ATXN2: variants seen among roughly 807,000 people sequenced by gnomAD.
ATXN2 encodes the protein ataxin 2, also known as ataxin-2.
ATXN2 carries 37 observed loss-of-function variants against 138.6 expected under a neutral mutation model. The observed-to-expected ratio is 0.27, with a 90% confidence interval of 0.21 to 0.35. The LOEUF (loss-of-function observed/expected upper bound fraction) is 0.35. Ranked by LOEUF, ATXN2 falls within the 10% of genes least tolerant of loss-of-function variation. ATXN2 has a pLI of 1.00. For synonymous variants in ATXN2, 549 were observed against 543.7 expected (o/e 1.01, Z -0.13); for missense variants, 1,216 against 1,480.3 (o/e 0.82, Z 2.93).
intron 14 of ATXN2, among the ~76,000 whole-genome samples, chr12:111,503,551 A>AT (rs923799742): frequency 1.3e-4 from 19 of 151,092 alleles, no homozygotes; most frequent in African/African-American, 2.2e-4. Flanking sequence ...TCACTCTTTT[A>AT]TTTTTTTTTA....
intron 10 of ATXN2, 55 bp from the exon 11 acceptor site, chr12:111,513,594 T>C: frequency 2.6e-6 from 4 of 1,519,208 alleles, no homozygotes; most frequent in Non-Finnish European, 3.6e-6. Flanking sequence ...TCAGTACTAC[T>C]TTTCTGCTAA....
intron 18 of ATXN2, among the ~76,000 whole-genome samples, chr12:111,477,934 C>A (rs910911862): frequency 6.6e-6 from 1 of 151,778 alleles, no homozygotes; most frequent in African/African-American, 2.4e-5. Context: ...CATAGGAATG[C>A]GCTTCTGTGC....
At chr12:111,542,522 C>T (rs1047317197) in intron 5 of ATXN2, among the ~76,000 whole-genome samples, 1 of 152,154 alleles carries the variant, frequency 6.6e-6, no homozygotes, top group Non-Finnish European at 1.5e-5. Flanking sequence ...GCTGGAGTGC[C>T]GTGGCATAAC....
At chr12:111,553,984 CA>C (rs1752215434) in intron 3 of ATXN2, among the ~76,000 whole-genome samples, 173 bp downstream of exon 3, 1 of 152,084 alleles carries the variant, frequency 6.6e-6, no homozygotes, top group African/African-American at 2.4e-5. Flanking sequence ...TGTACTTTTA[CA>C]ATGAATTATA....
At chr12:111,533,206 G>A (rs183340400) in intron 5 of ATXN2, among the ~76,000 whole-genome samples, 15 of 152,316 alleles carry the variant, frequency 9.8e-5, no homozygotes, top group Admixed American at 9.2e-4. Context: ...GTTTCCTAAA[G>A]AATAGTGTTC....
At chr12:111,496,501 A>G (rs1010845708) in intron 14 of ATXN2, among the ~76,000 whole-genome samples, 1 of 152,056 alleles carries the variant, frequency 6.6e-6, no homozygotes, top group African/African-American at 2.4e-5. Flanking sequence ...GCGCCACTAC[A>G]CTCCAGCATG....
chr12:111,574,650 T>C (rs945079813), intron 1 of ATXN2, among the ~76,000 whole-genome samples: 1 of 152,128 alleles, frequency 6.6e-6, no homozygotes, highest in Non-Finnish European at 1.5e-5. Flanking sequence ...CTTGAATTCC[T>C]GAGCTCAAGC....
At position 111,518,285 on chromosome 12, in the gene ATXN2, G is replaced by A; in HGVS notation, c.1129C>T (p.Pro377Ser). 6.2e-7 allele frequency: 1 copy of A among 1,609,848 alleles called. No individual in the cohort carries two copies. The highest frequency in any genetic ancestry group is 8.5e-7 in the Non-Finnish European group (1 of 1,177,096). ...ACTCTTTGGTCTGAACCAGAATTCG[G>A]GTTGAAATCTGAAGTGTGAGAAGTG... ...RSTSHTSDFN[P>S]NSGSDQRVVN... The change falls in exon 9 of 25, where the codon CCG becomes TCG. Residue 377 changes from proline (P) to serine (S), a missense_variant. By Grantham distance (74) the Pro-to-Ser change is moderately conservative. Transcript: ENST00000673436.
chr12:111,452,429 A>AT lies in ATXN2; in HGVS notation c.*382dup, dbSNP rs11348701. On this transcript the variant is annotated 3_prime_UTR_variant, in exon 25 of 25. Coordinates refer to ENST00000673436, the MANE Select transcript of ATXN2 (RefSeq NM_001372574.1). Reference sequence around the variant, plus strand: ...TAGTAAAAGGGCGTTCCAAGTCTTGATTTTTTTTTTTTTTTTTTTTTAGCA... The same window carrying AT: ...TAGTAAAAGGGCGTTCCAAGTCTTGATTTTTTTTTTTTTTTTTTTTTTAGCA... 3,778 of 129,192 alleles carry AT rather than the reference A, an allele frequency of 0.029. 105 individuals are homozygous for AT. Among genetic ancestry groups the AT allele is most frequent in the African/African-American group, 0.065 (2,244 of 34,758 alleles). The allele number at this position is 129,192 out of a possible 1,614,324, so 8.0% of individuals were successfully genotyped here.
At position 111,485,724 on chromosome 12, in the gene ATXN2, G is replaced by A; in HGVS notation, c.2446C>T (p.Pro816Ser). The A allele has an allele frequency of 6.2e-7, 1 of 1,613,964 alleles. No homozygotes were observed. The highest frequency in any genetic ancestry group is 8.5e-7 in the Non-Finnish European group (1 of 1,179,958). The change falls in exon 17 of 25, where the codon CCA becomes TCA. Residue 816 changes from proline to serine, a missense_variant. Pro to Ser is a moderately conservative substitution (Grantham distance 74, BLOSUM62 -1). Coordinates refer to ENST00000673436, the MANE Select transcript of ATXN2 (RefSeq NM_001372574.1). ...ATTCTATGACTTACTTGCACGCCTG[G>A]GCTCACTGGGACTGGATACATCATA... ...PNMMYPVPVS[P>S]GVQPLYPIPM... is the part of the protein sequence containing the mutation.
intron 1 of ATXN2, among the ~76,000 whole-genome samples, chr12:111,576,132 T>TAACA (rs1555243076): frequency 0.034 from 4,670 of 138,580 alleles, 271 homozygotes; most frequent in African/African-American, 0.12. Context: ...TAACATAACA[T>TAACA]AACATCACAC....
intron 1 of ATXN2, among the ~76,000 whole-genome samples, chr12:111,582,583 G>A (rs1184948438): frequency 6.6e-6 from 1 of 152,142 alleles, no homozygotes; most frequent in African/African-American, 2.4e-5. Context: ...ACTCCAACCT[G>A]GGCAATACAG....
chr12:111,567,889 A>G (rs1883104098), intron 1 of ATXN2, among the ~76,000 whole-genome samples: 1 of 152,238 alleles, frequency 6.6e-6, no homozygotes, highest in Non-Finnish European at 1.5e-5. Context: ...AACAATATAC[A>G]CAAACAATCT....
chr12:111,475,298 T>G (rs1295893666), intron 18 of ATXN2, among the ~76,000 whole-genome samples: 1 of 144,010 alleles, frequency 6.9e-6, no homozygotes, highest in Non-Finnish European at 1.5e-5. Context: ...GAGTTGAGAT[T>G]GTGCCACTGT....
intron 5 of ATXN2, among the ~76,000 whole-genome samples, chr12:111,547,378 G>A (rs1040010856): frequency 1.3e-5 from 2 of 151,974 alleles, no homozygotes; most frequent in Non-Finnish European, 2.9e-5. Flanking sequence ...AGTGAGCTGA[G>A]ATCACGCCAC....
At chr12:111,526,757 A>G (rs1880530764) in intron 5 of ATXN2, among the ~76,000 whole-genome samples, 1 of 152,314 alleles carries the variant, frequency 6.6e-6, no homozygotes, top group South Asian at 2.1e-4. Context: ...CCTTCGGAGT[A>G]CTTGCAGCCA....
At chr12:111,549,565 C>A (rs892588830) in intron 5 of ATXN2, among the ~76,000 whole-genome samples, 1 of 151,754 alleles carries the variant, frequency 6.6e-6, no homozygotes, top group African/African-American at 2.4e-5. Context: ...GGAAACCATG[C>A]CAATTAATAA....
At position 111,598,813 on chromosome 12, in the gene ATXN2, G is replaced by A. The variant is rs1885076275; in HGVS notation, c.222C>T (p.Thr74=). The change falls in exon 1 of 25, where the codon ACC becomes ACT. Residue 74 remains threonine, a synonymous_variant. Coordinates refer to ENST00000673436, the MANE Select transcript of ATXN2 (RefSeq NM_001372574.1). The surrounding 1 kb of genome is among the most constrained non-coding windows in gnomAD (Gnocchi z 4.5). Reference sequence around the variant, plus strand: ...CCAGGCCGGGCCTCCCGCCGCCGGAGGTCGCCGCGACCACCGAGGAGGGAG... The same window carrying A: ...CCAGGCCGGGCCTCCCGCCGCCGGAAGTCGCCGCGACCACCGAGGAGGGAG... ...ATAPSSVVAA[T]SGGGRPGLGR... 7.1e-6 allele frequency: 10 copies of A among 1,412,352 alleles called. No individual in the cohort carries two copies. In the East Asian group the frequency reaches 1.9e-4, roughly 26 times the overall value. The allele number at this position is 1,412,352 out of a possible 1,614,324, so 87.5% of individuals were successfully genotyped here.
At chr12:111,456,330 A>T in intron 22 of ATXN2, 74 bp from the exon 23 acceptor site, 2 of 1,501,576 alleles carry the variant, frequency 1.3e-6, no homozygotes, top group Non-Finnish European at 1.8e-6. Context: ...CCACAAAGCT[A>T]AGCTTTGCAC....
Sources: gnomAD v4.1 joint callset for allele counts (sites outside exome capture counted in the v4.1 genomes callset) on GRCh38, gnomAD v4.1.1 for gene constraint, Gnocchi (gnomAD v3.1) non-coding constraint, MANE v1.5 for transcripts, NCBI Gene and HGNC (gene_info 2026-07-23, HGNC 2026-07-21) for gene names.